Variants in EHMT1 observed in about 807,000 individuals in gnomAD.
EHMT1 encodes the protein histone-lysine N-methyltransferase EHMT1.
A neutral mutation model predicts 147.2 loss-of-function variants in EHMT1; 15 were observed. The ratio of observed to expected loss-of-function variants is 0.10; its 90% CI spans 0.07 to 0.16. The LOEUF is 0.16. Among genes scored for constraint, EHMT1 ranks in the 10% least tolerant of loss-of-function variants. The pLI is 1.00. For missense variants in EHMT1, 1,587 were observed against 1,772.4 expected, an observed-to-expected ratio of 0.90 and a Z score of 1.88; for synonymous variants, 795 against 709.6, an observed-to-expected ratio of 1.12 and a Z score of -1.91.
chr9:137,757,907 G>A lies in EHMT1; in HGVS notation c.1397G>A (p.Gly466Glu). 6.2e-7 allele frequency: 1 copy of A among 1,614,106 alleles called. No individual in the cohort carries two copies. Among genetic ancestry groups the A allele is most frequent in the Non-Finnish European group, 8.5e-7 (1 of 1,180,022 alleles). The change falls in exon 9 of 27, where the codon GGA becomes GAA. Residue 466 changes from glycine (G) to glutamate (E), a missense_variant. Gly to Glu is a moderately conservative substitution (Grantham distance 98). This residue lies in a region of EHMT1 where 810 missense variants were observed against 673.0 expected (regional missense o/e 1.20). Coordinates refer to ENST00000460843, the MANE Select transcript of EHMT1 (RefSeq NM_024757.5). ...TCTGAGTCGTATAAGTCATCTGCAG[G>A]AAGCGCTGAGCAGACGGCACCAGGA... ...LGSESYKSSA[G>E]SAEQTAPGDS...
At chr9:137,816,159 G>A in intron 23 of EHMT1, 97 bp downstream of exon 23, 1 of 1,077,826 alleles carries the variant, frequency 9.3e-7, no homozygotes, top group Non-Finnish European at 1.4e-6. Context: ...AACGTGTTTG[G>A]ATGCACGCAC....
Position 137,817,430 on chromosome 9 carries a change from A to AT in EHMT1, c.3375-4dup, listed in dbSNP as rs766534756. Reference sequence around the variant, plus strand: ...TGGCCTGGGTTCACCACTACTCTCTATTTTTCAGGGCAAGGCTGCAGCTCT... The same window carrying AT: ...TGGCCTGGGTTCACCACTACTCTCTATTTTTTCAGGGCAAGGCTGCAGCTCT... On this transcript the variant is annotated splice_polypyrimidine_tract_variant and intron_variant, in intron 23 of 26. Coordinates refer to ENST00000460843, the MANE Select transcript of EHMT1 (RefSeq NM_024757.5). The AT allele has an allele frequency of 1.2e-6, 2 of 1,613,176 alleles. No individual in the cohort carries two copies. Among genetic ancestry groups the AT allele is most frequent in the Non-Finnish European group, 1.7e-6 (2 of 1,179,708 alleles).
rs1390441708 is a variant in EHMT1 at position 137,801,661 on chromosome 9, G to A, written c.2712+677G>A. Among the ~76,000 whole-genome samples the A allele has an allele frequency of 2.6e-5, 4 of 152,252 alleles. No homozygotes were observed. The East Asian group carries it at 7.7e-4, about 29-fold the overall frequency. On this transcript the variant is annotated intron_variant, in intron 18 of 26. Transcript: ENST00000460843. ...TTATAGGCGCCCACGACCACACCTG[G>A]CTAATTTTTGTATTTTTAGTAGAGA...
chr9:137,645,070 G>T (rs188019392), intron 1 of EHMT1, among the ~76,000 whole-genome samples: 2 of 151,992 alleles, frequency 1.3e-5, no homozygotes, highest in Admixed American at 6.6e-5. Context: ...ACGGGGTTTC[G>T]CCATGTTGGC....
chr9:137,715,250 A>G (rs1945102635), intron 2 of EHMT1, among the ~76,000 whole-genome samples: 1 of 152,208 alleles, frequency 6.6e-6, no homozygotes, highest in Non-Finnish European at 1.5e-5. Flanking sequence ...AATAGATCTT[A>G]TATGCAATTA....
chr9:137,710,247 G>T (rs1289157756), intron 1 of EHMT1, among the ~76,000 whole-genome samples: 1 of 152,056 alleles, frequency 6.6e-6, no homozygotes, highest in South Asian at 2.1e-4. Flanking sequence ...TGAGGCGGGC[G>T]GATCACTTGA....
chr9:137,642,891 C>T (rs1298615259), intron 1 of EHMT1, among the ~76,000 whole-genome samples: 1 of 152,120 alleles, frequency 6.6e-6, no homozygotes, highest in East Asian at 1.9e-4. Context: ...ATTCCCCTCC[C>T]CTCCCCTCTT....
intron 25 of EHMT1, among the ~76,000 whole-genome samples, chr9:137,822,766 G>A (rs945569829): frequency 2.0e-5 from 3 of 151,976 alleles, no homozygotes; most frequent in East Asian, 2.0e-4. Flanking sequence ...GGTGGCGCAT[G>A]CCTGTAATCC....
chr9:137,657,895 G>A (rs1230584638), intron 1 of EHMT1, among the ~76,000 whole-genome samples: 2 of 150,500 alleles, frequency 1.3e-5, no homozygotes, highest in African/African-American at 4.9e-5. Context: ...GCCCCTAGAC[G>A]TCCTTCTACT....
At chr9:137,663,114 A>G (rs186626438) in intron 1 of EHMT1, among the ~76,000 whole-genome samples, 20 of 152,288 alleles carry the variant, frequency 1.3e-4, no homozygotes, top group African/African-American at 4.6e-4. Flanking sequence ...TTTTTAACCT[A>G]TATTTATTGT....
chr9:137,808,866 T>C (rs1234619859), intron 18 of EHMT1, among the ~76,000 whole-genome samples: 1 of 152,052 alleles, frequency 6.6e-6, no homozygotes, highest in Admixed American at 6.6e-5. Flanking sequence ...GAGGTTGCAG[T>C]GAACCAAGAT....
chr9:137,748,645 G>A (rs536632962), intron 6 of EHMT1, among the ~76,000 whole-genome samples: 6 of 152,348 alleles, frequency 3.9e-5, no homozygotes, highest in East Asian at 1.9e-4. Flanking sequence ...CCACTCCAAC[G>A]AGCAGATAGT....
intron 23 of EHMT1, chr9:137,816,466 T>A: frequency 3.0e-6 from 1 of 336,358 alleles, no homozygotes; most frequent in South Asian, 2.4e-5. Context: ...AACAGTGAGG[T>A]GATGTCCCAA....
chr9:137,693,159 A>G (rs950357357), intron 1 of EHMT1, among the ~76,000 whole-genome samples: 2 of 152,188 alleles, frequency 1.3e-5, no homozygotes, highest in African/African-American at 2.4e-5. Context: ...GGCCGGAGCC[A>G]CAGCGTGGAG....
At chr9:137,771,137 C>T (rs1321970663) in intron 10 of EHMT1, among the ~76,000 whole-genome samples, 2 of 151,056 alleles carry the variant, frequency 1.3e-5, no homozygotes, top group African/African-American at 4.9e-5. Context: ...TGTTCTCTCT[C>T]ATGTCACGGA....
At chr9:137,805,589 C>T (rs1477418282) in intron 18 of EHMT1, among the ~76,000 whole-genome samples, 2 of 152,100 alleles carry the variant, frequency 1.3e-5, no homozygotes, top group South Asian at 2.1e-4. Context: ...TACTGCTATT[C>T]TCCTATATTT....
At chr9:137,702,235 G>T (rs1409295049) in intron 1 of EHMT1, among the ~76,000 whole-genome samples, 1 of 152,138 alleles carries the variant, frequency 6.6e-6, no homozygotes, top group East Asian at 1.9e-4. Flanking sequence ...ATGCCTTCCA[G>T]CAATTTCCCA....
chr9:137,660,440 A>G (rs1286652559), intron 1 of EHMT1, among the ~76,000 whole-genome samples: 1 of 152,118 alleles, frequency 6.6e-6, no homozygotes, highest in South Asian at 2.1e-4. Context: ...ACCGTATCCC[A>G]CAGTTCAAAT....
chr9:137,664,479 C>G (rs763942061), intron 1 of EHMT1, among the ~76,000 whole-genome samples: 1 of 151,852 alleles, frequency 6.6e-6, no homozygotes, highest in Non-Finnish European at 1.5e-5. Flanking sequence ...AGGCTGGTCT[C>G]GAACTCTGGA....
Sources: gnomAD v4.1 joint callset for allele counts (sites outside exome capture counted in the v4.1 genomes callset) on GRCh38, gnomAD v4.1.1 for gene constraint, gnomAD v4.1.1 regional missense constraint, MANE v1.5 for transcripts, NCBI Gene and HGNC (gene_info 2026-07-23, HGNC 2026-07-21) for gene names.